Variants in RANBP17 observed in about 807,000 individuals in gnomAD.
The protein encoded by RANBP17 is RAN binding protein 17.
Under a neutral mutation model 141.2 loss-of-function variants are expected in RANBP17, and 158 were observed. The observed-to-expected ratio is 1.12, with a 90% CI of 0.98 to 1.28. The LOEUF is 1.28. Ranked by LOEUF, RANBP17 falls within the 50% of genes most tolerant of loss-of-function variation. The pLI is 0.00. For missense variants in RANBP17, 1,438 were observed against 1,290.7 expected, an observed-to-expected ratio of 1.11 and a Z score of -1.75; for synonymous variants, 430 against 450.0, an observed-to-expected ratio of 0.96 and a Z score of 0.56.
intron 14 of RANBP17, among the ~76,000 whole-genome samples, chr5:171,111,320 T>A (rs1324061469): frequency 3.9e-5 from 6 of 152,168 alleles, no homozygotes; most frequent in African/African-American, 1.4e-4. Flanking sequence ...GCTAAGTGAA[T>A]GTCATTCTTA....
At chr5:171,156,426 A>T (rs2127845290) in intron 14 of RANBP17, among the ~76,000 whole-genome samples, 1 of 152,276 alleles carries the variant, frequency 6.6e-6, no homozygotes, top group East Asian at 1.9e-4. Context: ...AGATGTTTTT[A>T]AAATAAATTT....
At chr5:170,998,894 A>G (rs1561971358) in intron 14 of RANBP17, among the ~76,000 whole-genome samples, 1 of 152,100 alleles carries the variant, frequency 6.6e-6, no homozygotes, top group Non-Finnish European at 1.5e-5. Context: ...ACCTAGATAG[A>G]TGATCACATT....
chr5:170,866,646 G>C (rs912879860), intron 1 of RANBP17, among the ~76,000 whole-genome samples: 2 of 151,536 alleles, frequency 1.3e-5, no homozygotes, highest in Non-Finnish European at 2.9e-5. Context: ...CTGCACTCTT[G>C]CCTGGGCAAC....
rs58623197 is a variant in RANBP17, at chr5:171,053,878, CATATATATATATATATATATATATATAT to C, written c.1710+85521_1710+85548del. ...CTTCAAATCCTGTCAGTGTTTAGTT[CATATATATATATATATATATATATATAT>C]ATATATATATATATATATAATTGCT... On this transcript the variant is annotated intron_variant, in intron 14 of 27. Transcript: ENST00000523189. 1.2e-3 allele frequency among the ~76,000 whole-genome samples: 21 copies of C among 17,224 alleles called. 1 individual carries two copies. The highest frequency in any genetic ancestry group is 4.9e-3 in the Admixed American group (6 of 1,230). 11.3% of individuals were successfully genotyped at this position (17,224 alleles called of 152,430 possible).
chr5:171,192,147 T>C (rs1199539687), intron 18 of RANBP17, among the ~76,000 whole-genome samples: 4 of 152,116 alleles, frequency 2.6e-5, no homozygotes, highest in Non-Finnish European at 2.9e-5. Context: ...TGATCAGAAA[T>C]AGCTGATAGA....
chr5:170,896,254 A>G (rs2287893), intron 5 of RANBP17, 139 bp downstream of exon 5: 407,872 of 595,678 alleles, frequency 0.68, 142,478 homozygotes, highest in South Asian at 0.9. Flanking sequence ...TTGTGTGTGT[A>G]TCTGTTTTAT....
rs531983497 is a variant in RANBP17 at position 170,916,335 on chromosome 5, T to A, written c.835-130T>A. 36 of 453,366 alleles carry A rather than the reference T, an allele frequency of 7.9e-5. 3 individuals carry two copies. Among genetic ancestry groups the A allele is most frequent in the African/African-American group, 6.5e-4 (32 of 49,098 alleles). 28.1% of individuals were successfully genotyped at this position (453,366 alleles called of 1,614,324 possible). A position where few individuals can be genotyped will look rare whatever the true frequency, so the allele number is the denominator to read the frequency against. The stretch of plus-strand genomic sequence containing the variant: ...GCATTATAATGCGTTATATTCTATA[T>A]TGCATTATAATGCGTTATATTCTAT... On this transcript the variant is annotated intron_variant, in intron 8 of 27. Transcript: ENST00000523189.
At chr5:171,038,694 A>G (rs958138623) in intron 14 of RANBP17, among the ~76,000 whole-genome samples, 1 of 152,100 alleles carries the variant, frequency 6.6e-6, no homozygotes, top group African/African-American at 2.4e-5. Flanking sequence ...TTCCACATCT[A>G]TTGAGATGGT....
At chr5:171,227,433 A>G (rs1211916671) in intron 22 of RANBP17, among the ~76,000 whole-genome samples, 3 of 152,232 alleles carry the variant, frequency 2.0e-5, no homozygotes. Flanking sequence ...TGTGAAGGCT[A>G]AGAGAGGTGA....
intron 18 of RANBP17, among the ~76,000 whole-genome samples, chr5:171,191,603 CGTGAACCCCGGAGGCGGAGCTTGCA>C (rs1273155911): frequency 6.6e-6 from 1 of 151,904 alleles, no homozygotes; most frequent in Non-Finnish European, 1.5e-5. Flanking sequence ...AGGAGAATGG[CGTGAACCCCGGAGGCGGAGCTTGCA>C]GTGAGCCGAG....
chr5:170,944,489 A>T (rs1010578785), intron 12 of RANBP17, among the ~76,000 whole-genome samples: 1 of 152,198 alleles, frequency 6.6e-6, no homozygotes, highest in African/African-American at 2.4e-5. Flanking sequence ...GCTGGTCTCG[A>T]GCCCATGACC....
chr5:171,237,655 GATTT>G, intron 22 of RANBP17, among the ~76,000 whole-genome samples: 1 of 152,318 alleles, frequency 6.6e-6, no homozygotes, highest in Non-Finnish European at 1.5e-5. Context: ...AGTAAAGTAT[GATTT>G]ATTTGTGTGC....
intron 14 of RANBP17, among the ~76,000 whole-genome samples, chr5:171,149,811 T>A (rs950201690): frequency 8.5e-5 from 13 of 152,220 alleles, no homozygotes; most frequent in Non-Finnish European, 5.9e-5. Flanking sequence ...TTTTTCCACC[T>A]TTCTAAGATT....
At chr5:171,199,386 G>C (rs192993437) in intron 18 of RANBP17, among the ~76,000 whole-genome samples, 1 of 152,134 alleles carries the variant, frequency 6.6e-6, no homozygotes, top group Admixed American at 6.5e-5. Flanking sequence ...GGGGCCCTAG[G>C]AGCTAAAGGA....
intron 14 of RANBP17, among the ~76,000 whole-genome samples, chr5:171,151,866 G>A (rs1399652513): frequency 6.6e-6 from 1 of 151,878 alleles, no homozygotes; most frequent in Non-Finnish European, 1.5e-5. Context: ...AACCAGAGAG[G>A]GCTGGTTTTT....
chr5:171,233,653 A>G (rs1404748620), intron 22 of RANBP17, among the ~76,000 whole-genome samples: 1 of 152,248 alleles, frequency 6.6e-6, no homozygotes, highest in South Asian at 2.1e-4. Context: ...AAAGCCTTAC[A>G]TACTGTATAA....
At chr5:171,045,216 A>T (rs1331941422) in intron 14 of RANBP17, among the ~76,000 whole-genome samples, 2 of 152,096 alleles carry the variant, frequency 1.3e-5, no homozygotes, top group African/African-American at 4.8e-5. Context: ...TCTAGTTTGC[A>T]TGAAAATAAA....
At chr5:171,030,699 A>C (rs1018262959) in intron 14 of RANBP17, among the ~76,000 whole-genome samples, 1 of 152,086 alleles carries the variant, frequency 6.6e-6, no homozygotes, top group Non-Finnish European at 1.5e-5. Context: ...TGTCATCCAC[A>C]TTAAAGTGTG....
Position 171,277,651 on chromosome 5 carries a change from A to G in RANBP17, c.2943+11804A>G, listed in dbSNP as rs867483904. Among the ~76,000 whole-genome samples the G allele has an allele frequency of 6.9e-3, 894 of 129,376 alleles. 66 individuals are homozygous for G. The highest frequency in any genetic ancestry group is 0.02 in the African/African-American group (718 of 35,114). 84.9% of individuals were successfully genotyped at this position (129,376 alleles called of 152,430 possible). On this transcript the variant is annotated intron_variant, in intron 25 of 27. Transcript: ENST00000523189. ...CATATATGTATGTATATATATATATATATATATATATATATATTTATGTCT... is the reference window on the plus strand; with the variant it reads ...CATATATGTATGTATATATATATATGTATATATATATATATATTTATGTCT...
Sources: allele counts gnomAD v4.1 joint callset (sites outside exome capture counted in the v4.1 genomes callset), GRCh38; gene constraint gnomAD v4.1.1; transcripts MANE v1.5; gene names NCBI Gene and HGNC (gene_info 2026-07-23, HGNC 2026-07-21).